Variants in SLC26A7 observed in about 807,000 individuals in gnomAD.
SLC26A7 encodes solute carrier family 26 member 7, also known as anion exchange transporter.
A neutral mutation model predicts 82.5 loss-of-function variants in SLC26A7; 59 were observed. The observed-to-expected ratio is 0.72, with a 90% CI of 0.58 to 0.89. The LOEUF (loss-of-function observed/expected upper bound fraction) is 0.89, where lower values mean the gene tolerates loss of function less well. Among genes scored for constraint, SLC26A7 ranks in the 40% least tolerant of loss-of-function variants. The pLI is 0.00. For synonymous variants in SLC26A7, 271 were observed against 274.3 expected, an observed-to-expected ratio of 0.99 and a Z score of 0.12; for missense variants, 820 against 793.0, an observed-to-expected ratio of 1.03 and a Z score of -0.41.
intron 2 of SLC26A7, among the ~76,000 whole-genome samples, chr8:91,268,684 G>A (rs112084245): frequency 6.6e-6 from 1 of 151,546 alleles, no homozygotes; most frequent in Non-Finnish European, 1.5e-5. Flanking sequence ...ATTATTGATA[G>A]GTAAGGATTT....
intron 2 of SLC26A7, among the ~76,000 whole-genome samples, chr8:91,255,642 C>T (rs1810781064): frequency 6.6e-6 from 1 of 152,080 alleles, no homozygotes; most frequent in African/African-American, 2.4e-5. Context: ...CTGTCTTTTC[C>T]TTCTCTATTT....
chr8:91,351,996 C>A, intron 10 of SLC26A7, 109 bp downstream of exon 10: 2 of 883,998 alleles, frequency 2.3e-6, no homozygotes, highest in East Asian at 2.4e-5. Context: ...ATGTAGAAAC[C>A]ATGTTACAGA....
Position 91,342,821 on chromosome 8 carries a change from C to T in SLC26A7, c.1027-532C>T, listed in dbSNP as rs180724447. Among the ~76,000 whole-genome samples the T allele has an allele frequency of 9.9e-4, 150 of 152,262 alleles. 1 individual carries two copies. Among genetic ancestry groups the T allele is most frequent in the African/African-American group, 3.3e-3 (138 of 41,562 alleles). ...CTTATATGTAGATAGAGAAGAGAAG[C>T]AGTCCTCCAATATTTGCAATTGGTT... is the stretch of plus-strand genomic sequence containing the variant. On this transcript the variant is annotated intron_variant, in intron 8 of 18. Coordinates refer to ENST00000276609, the MANE Select transcript of SLC26A7 (RefSeq NM_052832.4).
chr8:91,225,643 GT>G (rs55732709), intron 2 of SLC26A7, among the ~76,000 whole-genome samples: 1,730 of 36,030 alleles, frequency 0.048, 14 homozygotes, highest in East Asian at 0.097. Context: ...CTAGAAAAGT[GT>G]TTTTTTTTTT....
At chr8:91,252,454 A>G (rs989213619) in intron 2 of SLC26A7, among the ~76,000 whole-genome samples, 4 of 152,064 alleles carry the variant, frequency 2.6e-5, no homozygotes, top group Middle Eastern at 3.2e-3. Flanking sequence ...TGTGTTGACT[A>G]CAGTCTTTCT....
At chr8:91,391,224 T>C (rs757431392) in intron 16 of SLC26A7, among the ~76,000 whole-genome samples, 4 of 152,044 alleles carry the variant, frequency 2.6e-5, no homozygotes, top group Non-Finnish European at 5.9e-5. Flanking sequence ...TGTAGGGGAA[T>C]TGCTTAGTAT....
At chr8:91,364,222 CT>C (rs1213152415) in intron 13 of SLC26A7, among the ~76,000 whole-genome samples, 8 of 152,074 alleles carry the variant, frequency 5.3e-5, no homozygotes, top group African/African-American at 1.9e-4. Context: ...GAAAATTGCC[CT>C]CATTTTGAAC....
chr8:91,250,701 T>C (rs1810635461), intron 2 of SLC26A7, among the ~76,000 whole-genome samples: 1 of 152,136 alleles, frequency 6.6e-6, no homozygotes, highest in Non-Finnish European at 1.5e-5. Context: ...GCAGTTTCAC[T>C]ACCTCCTTGG....
intron 15 of SLC26A7, among the ~76,000 whole-genome samples, chr8:91,373,505 G>C (rs1437011949): frequency 6.6e-6 from 1 of 151,904 alleles, no homozygotes; most frequent in Non-Finnish European, 1.5e-5. Flanking sequence ...TTTTAATTCT[G>C]TCTATGTGGT....
chr8:91,308,223 G>A (rs536762846), intron 4 of SLC26A7, among the ~76,000 whole-genome samples: 6 of 151,420 alleles, frequency 4.0e-5, no homozygotes, highest in Admixed American at 1.3e-4. Flanking sequence ...TTAGATTGGC[G>A]TTATATGTTT....
At chr8:91,362,216 C>T in intron 11 of SLC26A7, 137 bp from the exon 12 acceptor site, 1 of 583,580 alleles carries the variant, frequency 1.7e-6, no homozygotes, top group Non-Finnish European at 3.0e-6. Flanking sequence ...TTCTGTTTAC[C>T]ACTTGTTAAA....
rs368655839 is a variant in SLC26A7 at position 91,334,598 on chromosome 8, T to C, written c.795+151T>C. 86 of 584,198 alleles carry C rather than the reference T, an allele frequency of 1.5e-4. No individual in the cohort carries two copies. In the South Asian group the frequency reaches 3.0e-3, roughly 21 times the overall value. The allele number at this position is 584,198 out of a possible 1,614,324, so 36.2% of individuals were successfully genotyped here. A position where few individuals can be genotyped will look rare whatever the true frequency, so the allele number is the denominator to read the frequency against. ...GCTAATTTGCATGGCTACACATTAA[T>C]GTAAGAACAGGAAACATTTTGAGTT... On this transcript the variant is annotated intron_variant, in intron 6 of 18. Transcript: ENST00000276609.
rs1321133869 is a variant in SLC26A7, at chr8:91,338,186, A to G, written c.832A>G (p.Met278Val). ...AASFACYCTN[M>V]ENTYGLEVVG... is the part of the protein sequence containing the mutation. ...ATCATTTGCTTGTTATTGCACCAATATGGAAAACACATATGGATTAGAAGT... is the reference window on the plus strand; with the variant it reads ...ATCATTTGCTTGTTATTGCACCAATGTGGAAAACACATATGGATTAGAAGT... The change falls in exon 7 of 19, where the codon ATG (methionine) becomes GTG (valine). Residue 278 changes from methionine (M) to valine (V), a missense_variant. Physicochemically the swap from Met to Val is conservative, Grantham distance 21 (BLOSUM62 1). Transcript: ENST00000276609. 2.5e-6 allele frequency: 4 copies of G among 1,610,996 alleles called. No individual in the cohort carries two copies. Among genetic ancestry groups the G allele is most frequent in the African/African-American group, 1.3e-5 (1 of 74,772 alleles).
At chr8:91,358,207 C>T (rs925705724) in intron 11 of SLC26A7, among the ~76,000 whole-genome samples, 15 of 152,128 alleles carry the variant, frequency 9.9e-5, no homozygotes, top group Admixed American at 8.5e-4. Context: ...TGTGGCAATT[C>T]TTCAGGGATC....
intron 9 of SLC26A7, among the ~76,000 whole-genome samples, chr8:91,347,631 A>G (rs1205553813): frequency 6.6e-6 from 1 of 152,194 alleles, no homozygotes; most frequent in Non-Finnish European, 1.5e-5. Context: ...GGACAATTTT[A>G]TATAGAAGTG....
At chr8:91,330,459 G>T (rs1375817297) in intron 5 of SLC26A7, among the ~76,000 whole-genome samples, 1 of 152,018 alleles carries the variant, frequency 6.6e-6, no homozygotes, top group East Asian at 1.9e-4. Context: ...ATAATGTTTT[G>T]ACTCAATATT....
At chr8:91,310,128 T>A (rs1030903212) in intron 4 of SLC26A7, among the ~76,000 whole-genome samples, 1 of 152,126 alleles carries the variant, frequency 6.6e-6, no homozygotes, top group African/African-American at 2.4e-5. Flanking sequence ...AACAGTTTAA[T>A]AACTGCCTGA....
intron 2 of SLC26A7, among the ~76,000 whole-genome samples, chr8:91,230,055 ATATG>A (rs1236985073): frequency 6.6e-6 from 1 of 152,182 alleles, no homozygotes; most frequent in East Asian, 1.9e-4. Context: ...GAATCATACA[ATATG>A]TATTCTTTTC....
chr8:91,362,560 A>G, intron 12 of SLC26A7, 101 bp downstream of exon 12: 3 of 783,752 alleles, frequency 3.8e-6, no homozygotes, highest in Admixed American at 2.3e-5. Context: ...TCTCTGTAAC[A>G]TATAGTACTA....
Sources: allele counts gnomAD v4.1 joint callset (sites outside exome capture counted in the v4.1 genomes callset), GRCh38; gene constraint gnomAD v4.1.1; transcripts MANE v1.5; gene names NCBI Gene and HGNC (gene_info 2026-07-23, HGNC 2026-07-21).